The following HEATR6 variants were observed in gnomAD, a reference collection of about 807,000 sequenced individuals.
HEATR6 encodes HEAT repeat containing 6.
A neutral mutation model predicts 132.8 loss-of-function variants in HEATR6; 106 were observed. The observed-to-expected ratio is 0.80, with a 90% CI of 0.68 to 0.94. The LOEUF is 0.94. Ranked by LOEUF, HEATR6 falls within the 40% of genes least tolerant of loss-of-function variation. The pLI, the probability that HEATR6 is intolerant of heterozygous loss-of-function variation, is 0.00. For synonymous variants in HEATR6, 529 were observed against 537.8 expected, an observed-to-expected ratio of 0.98 and a Z score of 0.23; for missense variants, 1,339 against 1,425.1, an observed-to-expected ratio of 0.94 and a Z score of 0.97.
intron 3 of HEATR6, 52 bp from the exon 4 acceptor site, chr17:60,073,331 TTA>T: frequency 9.3e-7 from 1 of 1,077,716 alleles, no homozygotes; most frequent in Non-Finnish European, 1.4e-6. Context: ...TAGGAAAATA[TTA>T]TGTTTTAGAC....
At position 60,055,588 on chromosome 17, in the gene HEATR6, A is replaced by C; in HGVS notation, c.2216T>G (p.Leu739Arg). ...ATACTGCTGTATTAAGCCTGTGCCC[A>C]GTTCTTCCAGAAGCTGCCAAGAAAA... ...QLHGAKLLEE[L>R]GTGLIQQYKP... The change falls in exon 14 of 20, where the codon CTG becomes CGG. Residue 739 changes from leucine to arginine, a missense_variant. Coordinates refer to ENST00000184956, the MANE Select transcript of HEATR6 (RefSeq NM_022070.5). The C allele has an allele frequency of 6.2e-7, 1 of 1,610,336 alleles. No individual in the cohort carries two copies. Among genetic ancestry groups the C allele is most frequent in the Non-Finnish European group, 8.5e-7 (1 of 1,178,250 alleles).
chr17:60,043,331 C>T lies in HEATR6; in HGVS notation c.*232G>A, dbSNP rs1052853449. ...TGGCCTGTATTACAACCTGACTCCT[C>T]GGCTCCTGGATGCACAGGTCAGATG... On this transcript the variant is annotated 3_prime_UTR_variant, in exon 20 of 20. Transcript: ENST00000184956. The T allele has an allele frequency of 1.2e-5, 6 of 502,152 alleles. No homozygotes were observed. Among genetic ancestry groups the T allele is most frequent in the South Asian group, 8.8e-5 (3 of 34,210 alleles). 31.1% of individuals were successfully genotyped at this position (502,152 alleles called of 1,614,324 possible).
At chr17:60,056,974 G>T in intron 12 of HEATR6, 74 bp downstream of exon 12, 1 of 1,148,136 alleles carries the variant, frequency 8.7e-7, no homozygotes, top group South Asian at 1.5e-5. Flanking sequence ...GGTTTTACCT[G>T]CTCGCTCCTC....
intron 5 of HEATR6, among the ~76,000 whole-genome samples, 161 bp downstream of exon 5, chr17:60,072,054 C>T (rs926396269): frequency 1.3e-5 from 2 of 152,062 alleles, no homozygotes; most frequent in East Asian, 1.9e-4. Flanking sequence ...TAATTTAAAC[C>T]GAAATGGTAT....
chr17:60,078,789 C>T lies in HEATR6; in HGVS notation c.126G>A (p.Pro42=). Residue 42 remains proline, a synonymous_variant, in exon 1 of 20, where the codon CCG becomes CCA. Transcript: ENST00000184956. ...CGGTGCGGGCGGAGCTGCTGTCATC[C>T]GGGCGCAGGGCGCAGAGCCTGGCAG... ...LLSARLCALR[P]DDSSSARTEI... is the part of the protein sequence containing the mutation. 6.3e-7 allele frequency: 1 copy of T among 1,590,414 alleles called. No individual in the cohort carries two copies. Among genetic ancestry groups the T allele is most frequent in the Non-Finnish European group, 8.6e-7 (1 of 1,169,328 alleles).
At chr17:60,066,963 G>A (rs1274392044) in intron 8 of HEATR6, among the ~76,000 whole-genome samples, 1 of 152,190 alleles carries the variant, frequency 6.6e-6, no homozygotes, top group Non-Finnish European at 1.5e-5. Flanking sequence ...AATGACATGT[G>A]CAATGGCAGA....
chr17:60,056,327 A>T (rs1368172655), intron 12 of HEATR6, 90 bp from the exon 13 acceptor site: 2 of 1,280,662 alleles, frequency 1.6e-6, no homozygotes, highest in Non-Finnish European at 2.1e-6. Flanking sequence ...GAAATCGCTT[A>T]CATTTAACAG....
At chr17:60,065,209 C>A (rs185254309) in intron 9 of HEATR6, among the ~76,000 whole-genome samples, 1 of 152,190 alleles carries the variant, frequency 6.6e-6, no homozygotes, top group East Asian at 1.9e-4. Flanking sequence ...TTGAAATACC[C>A]CACAAGTCAT....
chr17:60,074,569 T>C (rs1182239820), intron 2 of HEATR6, among the ~76,000 whole-genome samples: 1 of 152,224 alleles, frequency 6.6e-6, no homozygotes, highest in Non-Finnish European at 1.5e-5. Context: ...CCTTACTCCA[T>C]GCAGCAGACA....
At chr17:60,052,363 T>G (rs1410126897) in intron 14 of HEATR6, among the ~76,000 whole-genome samples, 1 of 152,218 alleles carries the variant, frequency 6.6e-6, no homozygotes, top group Non-Finnish European at 1.5e-5. Flanking sequence ...TGTACATTGC[T>G]TTAAGCTGCT....
chr17:60,076,142 A>G lies in HEATR6; in HGVS notation c.315T>C (p.Leu105=). The stretch of plus-strand genomic sequence containing the variant: ...CATACATGATTACCTGTAATCTGTT[A>G]AGTAAATGGTGGATAAGCTGGCTCA... ...SKVSQLIHHL[L]NRLQVIVDEQ... Residue 105 remains leucine (L), a synonymous_variant, in exon 2 of 20, where the codon CTT becomes CTC. Coordinates refer to ENST00000184956, the MANE Select transcript of HEATR6 (RefSeq NM_022070.5). 6.3e-7 allele frequency: 1 copy of G among 1,590,672 alleles called. No homozygotes were observed.
chr17:60,049,242 T>A (rs1351165959), intron 16 of HEATR6, among the ~76,000 whole-genome samples: 3 of 150,914 alleles, frequency 2.0e-5, no homozygotes, highest in Non-Finnish European at 4.4e-5. Flanking sequence ...GAGCCTCCCA[T>A]CTCAGCCTCC....
chr17:60,075,886 G>T, intron 2 of HEATR6: 9 of 253,170 alleles, frequency 3.6e-5, no homozygotes, highest in East Asian at 7.5e-5. Context: ...GGGCCTGAAT[G>T]ATATTGGTTT....
In HEATR6 at chr17:60,042,838, G is replaced by A. The variant is rs1906222354; in HGVS notation, c.*725C>T. On this transcript the variant is annotated 3_prime_UTR_variant, in exon 20 of 20. Coordinates refer to ENST00000184956, the MANE Select transcript of HEATR6 (RefSeq NM_022070.5). ...CTGTGAGGCACCGTCAGCATCCTCG[G>A]TCCTGTGCGGCTGTGAGGCACCGTC... 1.7e-5 allele frequency among the ~76,000 whole-genome samples: 1 copy of A among 58,798 alleles called. No homozygotes were observed. The allele number at this position is 58,798 out of a possible 152,430, so 38.6% of individuals were successfully genotyped here. A position where few individuals can be genotyped will look rare whatever the true frequency, so the allele number is the denominator to read the frequency against.
intron 7 of HEATR6, among the ~76,000 whole-genome samples, chr17:60,068,945 G>C (rs919620396): frequency 5.3e-5 from 8 of 152,228 alleles, no homozygotes; most frequent in African/African-American, 1.9e-4. Flanking sequence ...AGCAGCCAGA[G>C]TCTATATACT....
Position 60,067,537 on chromosome 17 carries a change from T to C in HEATR6, c.1135A>G (p.Lys379Glu), listed in dbSNP as rs1240647100. 9.9e-6 allele frequency: 16 copies of C among 1,613,444 alleles called. 1 individual carries two copies. The highest frequency in any genetic ancestry group is 2.2e-5 in the East Asian group (1 of 44,860). ...LPLDGSGAAE[K>E]DGVSSSFSSS... is the part of the protein sequence containing the mutation. The stretch of plus-strand genomic sequence containing the variant: ...CTGAAGGATGAGGAGACTCCATCTT[T>C]TTCTGCAGCTCCACTTCCATCTAAA... Residue 379 changes from lysine (K) to glutamate (E), a missense_variant, in exon 8 of 20, where the codon AAA becomes GAA. Coordinates refer to ENST00000184956, the MANE Select transcript of HEATR6 (RefSeq NM_022070.5).
At position 60,076,230 on chromosome 17, in the gene HEATR6, C is replaced by G. The variant is rs142343207; in HGVS notation, c.227G>C (p.Ser76Thr). 123 of 1,586,622 alleles carry G rather than the reference C, an allele frequency of 7.8e-5. No homozygotes were observed. Among genetic ancestry groups the G allele is most frequent in the Middle Eastern group, 1.7e-4 (1 of 6,022 alleles). Residue 76 changes from serine to threonine, a missense_variant, in exon 2 of 20, where the codon AGT (serine) becomes ACT (threonine). Ser to Thr is a moderately conservative substitution (Grantham distance 58). Transcript: ENST00000184956. ...EGSGVAPEDV[S>T]ALLVQACRLV... ...TCGGCAAGCCTGGACAAGAAGAGCA[C>G]TAACGTCCTACCAAAAAAAAAAAGA...
chr17:60,046,322 C>T (rs1906366464), intron 18 of HEATR6, 93 bp from the exon 19 acceptor site: 1 of 940,436 alleles, frequency 1.1e-6, no homozygotes, highest in African/African-American at 1.7e-5. Context: ...AGGAGGTCTT[C>T]AACTTCTTAA....
At chr17:60,052,320 A>G (rs1906604344) in intron 14 of HEATR6, among the ~76,000 whole-genome samples, 1 of 152,208 alleles carries the variant, frequency 6.6e-6, no homozygotes. Flanking sequence ...GCCACTCCTA[A>G]TTCCTGACCC....
Sources: gnomAD v4.1 joint callset for allele counts (sites outside exome capture counted in the v4.1 genomes callset) on GRCh38, gnomAD v4.1.1 for gene constraint, MANE v1.5 for transcripts, NCBI Gene and HGNC (gene_info 2026-07-23, HGNC 2026-07-21) for gene names.